RARB: variants seen among roughly 807,000 people sequenced by gnomAD.
The protein encoded by RARB is HBV-activated protein.
A neutral mutation model predicts 51.9 loss-of-function variants in RARB; 17 were observed. The observed-to-expected ratio is 0.33, with a 90% CI of 0.22 to 0.49. The LOEUF (loss-of-function observed/expected upper bound fraction) is 0.49, where lower values mean the gene tolerates loss of function less well. RARB is among the 20% of genes least tolerant of loss of function. The pLI is 0.99. For missense variants in RARB, 369 were observed against 550.8 expected (o/e 0.67, Z 3.30); for synonymous variants, 215 against 195.4 (o/e 1.10, Z -0.84).
At chr3:25,417,261 G>A (rs1326822847) in intron 5 of RARB, among the ~76,000 whole-genome samples, 3 of 151,452 alleles carry the variant, frequency 2.0e-5, no homozygotes, top group Non-Finnish European at 2.9e-5. Flanking sequence ...GAAATTAGCT[G>A]TTCCCTAATT....
intron 3 of RARB, among the ~76,000 whole-genome samples, chr3:25,117,198 T>C (rs1446918913): frequency 6.6e-6 from 1 of 152,102 alleles, no homozygotes; most frequent in African/African-American, 2.4e-5. Context: ...GAACAAACTG[T>C]TCAATAAGTA....
intron 2 of RARB, among the ~76,000 whole-genome samples, chr3:24,948,943 A>G (rs1695831125): frequency 6.6e-6 from 1 of 152,236 alleles, no homozygotes; most frequent in East Asian, 1.9e-4. Flanking sequence ...ATTATAATTT[A>G]TTTAAAAATT....
chr3:25,014,638 G>A (rs1208501074), intron 2 of RARB, among the ~76,000 whole-genome samples: 1 of 152,116 alleles, frequency 6.6e-6, no homozygotes, highest in Non-Finnish European at 1.5e-5. Context: ...CTGATTGACA[G>A]ACTTGTGAGC....
chr3:25,468,347 G>A (rs1171463161), intron 2 of RARB, among the ~76,000 whole-genome samples: 1 of 146,194 alleles, frequency 6.8e-6, no homozygotes, highest in Admixed American at 6.8e-5. Flanking sequence ...CTTGTTGGGT[G>A]CCTTCTGTAC....
At chr3:25,068,633 C>A (rs1183403433) in intron 3 of RARB, among the ~76,000 whole-genome samples, 1 of 152,040 alleles carries the variant, frequency 6.6e-6, no homozygotes, top group African/African-American at 2.4e-5. Context: ...ATATTTTAAT[C>A]CTTAGGTACC....
At chr3:25,387,181 C>G (rs903592340) in intron 5 of RARB, among the ~76,000 whole-genome samples, 5 of 152,102 alleles carry the variant, frequency 3.3e-5, no homozygotes, top group African/African-American at 1.2e-4. Context: ...CAACAGAAAC[C>G]CAGCAGGAGA....
At chr3:25,317,099 C>A (rs970544742) in intron 5 of RARB, among the ~76,000 whole-genome samples, 3 of 47,226 alleles carry the variant, frequency 6.4e-5, no homozygotes, top group African/African-American at 1.8e-4. Flanking sequence ...AAGAATACAA[C>A]ATTTTTGCAT....
chr3:25,035,421 CTTTT>C (rs140970899), intron 2 of RARB, among the ~76,000 whole-genome samples: 5,731 of 120,838 alleles, frequency 0.047, 118 homozygotes, highest in Middle Eastern at 0.073. Flanking sequence ...TGCGTCCAGC[CTTTT>C]TTTTTTTTTT....
intron 1 of RARB, among the ~76,000 whole-genome samples, chr3:25,432,102 GAA>G (rs1209069956): frequency 1.3e-5 from 2 of 152,150 alleles, no homozygotes; most frequent in African/African-American, 4.8e-5. Flanking sequence ...CCATCAGAAA[GAA>G]GAGAAAAAGA....
At chr3:24,952,282 A>G (rs1695911438) in intron 2 of RARB, among the ~76,000 whole-genome samples, 1 of 152,130 alleles carries the variant, frequency 6.6e-6, no homozygotes, top group Non-Finnish European at 1.5e-5. Flanking sequence ...ACAATTAATG[A>G]TTAGTGAGAT....
At chr3:24,853,186 A>G (rs966321182) in intron 1 of RARB, among the ~76,000 whole-genome samples, 1 of 150,854 alleles carries the variant, frequency 6.6e-6, no homozygotes, top group African/African-American at 2.4e-5. Context: ...GCATGGTGGC[A>G]GGCACCTGTA....
rs367905088 is a variant in RARB at position 25,267,194 on chromosome 3, T to C, written c.178+92619T>C. The stretch of plus-strand genomic sequence containing the variant: ...GATATTCTGAAGACAGAAGACTAAG[T>C]GGACTTTGCTTCTGTGTTTACTAAG... On this transcript the variant is annotated intron_variant, in intron 5 of 11. Transcript: ENST00000383772. 6.6e-5 allele frequency among the ~76,000 whole-genome samples: 10 copies of C among 152,212 alleles called. No individual in the cohort carries two copies. In the East Asian group the frequency reaches 1.3e-3, roughly 21 times the overall value.
chr3:25,144,929 C>T (rs1700164014), intron 4 of RARB, among the ~76,000 whole-genome samples: 1 of 152,176 alleles, frequency 6.6e-6, no homozygotes, highest in Admixed American at 6.5e-5. Context: ...AGCACTTCAG[C>T]ATACAGTATG....
At chr3:24,860,734 A>G (rs1349495679) in intron 2 of RARB, among the ~76,000 whole-genome samples, 2 of 152,160 alleles carry the variant, frequency 1.3e-5, no homozygotes, top group African/African-American at 4.8e-5. Context: ...TGAAATTGAG[A>G]CTATTTAAAA....
At chr3:25,405,156 C>A (rs1330477532) in intron 5 of RARB, among the ~76,000 whole-genome samples, 1 of 152,110 alleles carries the variant, frequency 6.6e-6, no homozygotes, top group African/African-American at 2.4e-5. Context: ...GGAGCAGAGG[C>A]CTAGCATTTA....
chr3:25,286,992 C>G (rs1703672578), intron 5 of RARB, among the ~76,000 whole-genome samples: 1 of 152,160 alleles, frequency 6.6e-6, no homozygotes, highest in Admixed American at 6.5e-5. Context: ...AAGGGAAGAT[C>G]AGAGTAGTAA....
At position 24,923,899 on chromosome 3, in the gene RARB, G is replaced by C. The variant is rs183942603; in HGVS notation, c.-380+65147G>C. ...TGGAGTGGGAGGAAGTGAAGAGGAT[G>C]GTTTCTATGGTTGTAGATTCTTAGA... On this transcript the variant is annotated intron_variant, in intron 2 of 11. Coordinates refer to the RARB transcript ENST00000383772. 5.9e-5 allele frequency among the ~76,000 whole-genome samples: 9 copies of C among 152,144 alleles called. No homozygotes were observed. In the East Asian group the frequency reaches 1.7e-3, roughly 29 times the overall value.
intron 5 of RARB, among the ~76,000 whole-genome samples, chr3:25,280,221 G>A (rs1222079274): frequency 6.6e-6 from 1 of 152,092 alleles, no homozygotes; most frequent in Non-Finnish European, 1.5e-5. Context: ...ATAAACTGGG[G>A]GGAACTTAGC....
rs112579900 is a variant in RARB, at chr3:25,395,411, A to G, written c.179-65782A>G. Among the ~76,000 whole-genome samples, 1,051 of 152,190 alleles carry G rather than the reference A, an allele frequency of 6.9e-3. 16 individuals carry two copies. The highest frequency in any genetic ancestry group is 0.024 in the African/African-American group (993 of 41,536). On this transcript the variant is annotated intron_variant, in intron 5 of 11. Transcript: ENST00000383772. Reference sequence around the variant, plus strand: ...TCTTTTTTTGCAATGAATTTCCCAGATGTTCTTTGAGCTGCTTGTATTTGG... The same window carrying G: ...TCTTTTTTTGCAATGAATTTCCCAGGTGTTCTTTGAGCTGCTTGTATTTGG...
Sources: allele counts gnomAD v4.1 joint callset (sites outside exome capture counted in the v4.1 genomes callset), GRCh38; gene constraint gnomAD v4.1.1; transcripts MANE v1.5; gene names NCBI Gene and HGNC (gene_info 2026-07-23, HGNC 2026-07-21).